The following SIPA1L1 variants were observed in gnomAD, a reference collection of about 807,000 sequenced individuals.
The protein encoded by SIPA1L1 is signal-induced proliferation-associated 1-like protein 1.
SIPA1L1 carries 26 observed loss-of-function variants against 162.7 expected under a neutral mutation model. That is an observed-to-expected ratio of 0.16 (90% CI 0.12 to 0.22). SIPA1L1 has a LOEUF of 0.22. Among genes scored for constraint, SIPA1L1 ranks in the 10% least tolerant of loss-of-function variants. SIPA1L1 has a pLI of 1.00. For synonymous variants in SIPA1L1, 829 were observed against 837.4 expected (o/e 0.99, Z 0.17); for missense variants, 1,874 against 2,241.0 (o/e 0.84, Z 3.31).
chr14:71,650,600 AT>A, intron 8 of SIPA1L1, 91 bp downstream of exon 8: 1 of 1,226,966 alleles, frequency 8.2e-7, no homozygotes, highest in Non-Finnish European at 1.2e-6. Context: ...CAACATTGCC[AT>A]TTATCGCAGA....
At chr14:71,595,747 AT>A (rs570389655) in intron 5 of SIPA1L1, among the ~76,000 whole-genome samples, 1 of 152,120 alleles carries the variant, frequency 6.6e-6, no homozygotes, top group Admixed American at 6.5e-5. Context: ...GGAGTTCACC[AT>A]TTTTTCCCCT....
At chr14:71,571,235 A>G (rs2031941406) in intron 4 of SIPA1L1, among the ~76,000 whole-genome samples, 1 of 152,174 alleles carries the variant, frequency 6.6e-6, no homozygotes, top group South Asian at 2.1e-4. Context: ...AGAAAAAGAT[A>G]AAGAAATGGA....
intron 2 of SIPA1L1, among the ~76,000 whole-genome samples, chr14:71,406,541 G>T (rs189394590): frequency 1.1e-3 from 165 of 152,228 alleles, no homozygotes; most frequent in Non-Finnish European, 1.8e-3. Flanking sequence ...AATTCTTGTG[G>T]TCCCTTGATA....
chr14:71,463,882 G>A (rs759669585), intron 2 of SIPA1L1, among the ~76,000 whole-genome samples: 1 of 152,196 alleles, frequency 6.6e-6, no homozygotes, highest in Admixed American at 6.5e-5. Flanking sequence ...TATTCTGATT[G>A]CCACTTTGCC....
At chr14:71,428,861 G>A (rs898961266) in intron 2 of SIPA1L1, among the ~76,000 whole-genome samples, 8 of 152,206 alleles carry the variant, frequency 5.3e-5, no homozygotes, top group African/African-American at 1.9e-4. Flanking sequence ...CCAGGACTTG[G>A]GGTAGATGAT....
chr14:71,494,523 CTTT>C (rs201797447), intron 2 of SIPA1L1, among the ~76,000 whole-genome samples: 10 of 126,718 alleles, frequency 7.9e-5, no homozygotes, highest in Admixed American at 7.9e-5. Context: ...CTTTTCTTTT[CTTT>C]TTTTTTTTTT....
intron 2 of SIPA1L1, among the ~76,000 whole-genome samples, chr14:71,506,897 C>T (rs550579748): frequency 6.6e-6 from 1 of 150,462 alleles, no homozygotes; most frequent in Non-Finnish European, 1.5e-5. Context: ...CTCCTGGGCT[C>T]AAGCGTTCCA....
chr14:71,388,356 T>C (rs1212895214), intron 2 of SIPA1L1, among the ~76,000 whole-genome samples: 5 of 152,232 alleles, frequency 3.3e-5, no homozygotes, highest in African/African-American at 7.2e-5. Flanking sequence ...CTTATGTATT[T>C]GGGAGATCAT....
chr14:71,590,633 A>G (rs905531638), intron 5 of SIPA1L1, among the ~76,000 whole-genome samples: 1 of 152,148 alleles, frequency 6.6e-6, no homozygotes, highest in Non-Finnish European at 1.5e-5. Context: ...CTACATATCT[A>G]TAGCGTGGGT....
rs118155557 is a variant in SIPA1L1 at position 71,698,158 on chromosome 14, G to A, written c.3375-823G>A. 1.4e-3 allele frequency among the ~76,000 whole-genome samples: 210 copies of A among 152,292 alleles called. 1 individual carries two copies. The East Asian group carries it at 0.032, about 23-fold the overall frequency. ...AAATAAAATACCATCGTTACTAAGG[G>A]TTAGCTTAAACCTAGTCACAACTGT... On this transcript the variant is annotated intron_variant, in intron 13 of 23. Coordinates refer to ENST00000381232, the MANE Select transcript of SIPA1L1 (RefSeq NM_001386936.1).
chr14:71,731,375 T>C (rs1266021290), intron 20 of SIPA1L1, among the ~76,000 whole-genome samples: 1 of 151,694 alleles, frequency 6.6e-6, no homozygotes, highest in Admixed American at 6.6e-5. Context: ...GCAGCTAAAA[T>C]CTGGGTTGTC....
At chr14:71,656,201 C>T (rs1014070418) in intron 8 of SIPA1L1, among the ~76,000 whole-genome samples, 12 of 152,166 alleles carry the variant, frequency 7.9e-5, no homozygotes, top group Non-Finnish European at 1.6e-4. Flanking sequence ...ACGTGGAGGA[C>T]AGAGAGAAGG....
intron 8 of SIPA1L1, among the ~76,000 whole-genome samples, chr14:71,656,064 A>G (rs569111064): frequency 6.6e-6 from 1 of 152,304 alleles, no homozygotes; most frequent in East Asian, 1.9e-4. Flanking sequence ...TCATTATTTT[A>G]GCCCTAGTTT....
At chr14:71,669,430 A>G (rs750475238) in intron 10 of SIPA1L1, among the ~76,000 whole-genome samples, 17 of 152,244 alleles carry the variant, frequency 1.1e-4, no homozygotes, top group Non-Finnish European at 2.4e-4. Context: ...GAGAAGGAAT[A>G]ACAATTTGAG....
intron 2 of SIPA1L1, among the ~76,000 whole-genome samples, chr14:71,376,999 C>T (rs956393600): frequency 6.6e-5 from 10 of 152,178 alleles, no homozygotes; most frequent in African/African-American, 1.2e-4. Flanking sequence ...CCTTTCTATT[C>T]GACAAAACCA....
At chr14:71,591,683 C>T (rs2035417714) in intron 5 of SIPA1L1, among the ~76,000 whole-genome samples, 1 of 152,160 alleles carries the variant, frequency 6.6e-6, no homozygotes, top group African/African-American at 2.4e-5. Flanking sequence ...AATATGTTTG[C>T]CAAACTCTTG....
At chr14:71,656,900 G>T (rs538645941) in intron 8 of SIPA1L1, among the ~76,000 whole-genome samples, 105 of 152,332 alleles carry the variant, frequency 6.9e-4, no homozygotes, top group East Asian at 1.2e-3. Context: ...GAGTATTTTG[G>T]GGGGTGGGCC....
At chr14:71,375,727 A>G (rs1566946404) in intron 2 of SIPA1L1, among the ~76,000 whole-genome samples, 1 of 152,118 alleles carries the variant, frequency 6.6e-6, no homozygotes, top group Non-Finnish European at 1.5e-5. Flanking sequence ...GTCCTCAGTT[A>G]TTTGATAAAG....
chr14:71,432,064 T>G (rs2044028772), intron 2 of SIPA1L1, among the ~76,000 whole-genome samples: 1 of 151,968 alleles, frequency 6.6e-6, no homozygotes, highest in Non-Finnish European at 1.5e-5. Context: ...CTTGCTTTCT[T>G]TTTTTCTTTT....
Sources: gnomAD v4.1 joint callset for allele counts (sites outside exome capture counted in the v4.1 genomes callset) on GRCh38, gnomAD v4.1.1 for gene constraint, MANE v1.5 for transcripts, NCBI Gene and HGNC (gene_info 2026-07-23, HGNC 2026-07-21) for gene names.